SYT9: variants seen among roughly 807,000 people sequenced by gnomAD.
The protein encoded by SYT9 is synaptotagmin-9.
In SYT9, 22 loss-of-function variants were observed where a neutral mutation model predicts 48.4. The observed-to-expected ratio is 0.45, with a 90% CI of 0.32 to 0.65. The LOEUF (loss-of-function observed/expected upper bound fraction) is 0.65. Ranked by LOEUF, SYT9 falls within the 30% of genes least tolerant of loss-of-function variation. The pLI, the probability that SYT9 is intolerant of heterozygous loss-of-function variation, is 0.03. For synonymous variants in SYT9, 265 were observed against 245.0 expected (o/e 1.08, Z -0.76); for missense variants, 577 against 622.0 (o/e 0.93, Z 0.77).
At chr11:7,313,370 T>A in intron 2 of SYT9, 25 bp from the exon 3 acceptor site, 1 of 1,576,320 alleles carries the variant, frequency 6.3e-7, no homozygotes, top group Middle Eastern at 1.7e-4. Flanking sequence ...GTTATAACTT[T>A]GTTCTGTGTT....
chr11:7,361,678 A>G (rs1850139546), intron 3 of SYT9, among the ~76,000 whole-genome samples: 1 of 152,210 alleles, frequency 6.6e-6, no homozygotes, highest in Admixed American at 6.5e-5. Flanking sequence ...TGGCAAATAT[A>G]TGCTGGTTCA....
chr11:7,447,841 G>A (rs7110983), intron 6 of SYT9, among the ~76,000 whole-genome samples: 4,374 of 152,274 alleles, frequency 0.029, 215 homozygotes, highest in African/African-American at 0.096. Flanking sequence ...AGGCCCCAGC[G>A]TACAACTAGG....
At chr11:7,279,184 A>G (rs1201165332) in intron 1 of SYT9, among the ~76,000 whole-genome samples, 1 of 152,156 alleles carries the variant, frequency 6.6e-6, no homozygotes, top group Non-Finnish European at 1.5e-5. Context: ...CATCTCTGGC[A>G]AAGTCCTAAG....
At chr11:7,450,577 G>A (rs1848028799) in intron 6 of SYT9, 1 of 152,190 alleles carries the variant, frequency 6.6e-6, no homozygotes, top group African/African-American at 2.4e-5. Context: ...AAGAAAAGCT[G>A]ACAAAATACA....
At chr11:7,419,637 C>G (rs1194880119) in intron 5 of SYT9, among the ~76,000 whole-genome samples, 1 of 152,132 alleles carries the variant, frequency 6.6e-6, no homozygotes, top group Non-Finnish European at 1.5e-5. Flanking sequence ...TATCTCACAC[C>G]TGTAATCCCA....
intron 3 of SYT9, among the ~76,000 whole-genome samples, chr11:7,324,172 A>C (rs1849386485): frequency 6.6e-6 from 1 of 151,696 alleles, no homozygotes; most frequent in African/African-American, 2.4e-5. Flanking sequence ...TTTTCTAGAA[A>C]TTTGCTTATT....
chr11:7,250,451 A>ACC (rs59724555), upstream of SYT9, among the ~76,000 whole-genome samples: 265 of 91,846 alleles, frequency 2.9e-3, 1 homozygote, highest in Middle Eastern at 7.7e-3. Context: ...CCCCCCCGCC[A>ACC]CCCCCCCCCA....
At chr11:7,250,252 C>T (rs1226129556), upstream of SYT9, among the ~76,000 whole-genome samples, 1 of 152,164 alleles carries the variant, frequency 6.6e-6, no homozygotes, top group Non-Finnish European at 1.5e-5. Context: ...AAATGTTTTT[C>T]AAATTTGGAT....
At chr11:7,458,151 A>C (rs1417972696) in intron 6 of SYT9, among the ~76,000 whole-genome samples, 1 of 152,246 alleles carries the variant, frequency 6.6e-6, no homozygotes, top group Non-Finnish European at 1.5e-5. Flanking sequence ...TGGGAGACAC[A>C]GATGTATTAT....
At chr11:7,367,174 C>T (rs1459957182) in intron 3 of SYT9, among the ~76,000 whole-genome samples, 1 of 148,492 alleles carries the variant, frequency 6.7e-6, no homozygotes, top group African/African-American at 2.5e-5. Context: ...CTCCGCCTCC[C>T]GGGTTCACGC....
chr11:7,335,390 G>A (rs1415504002), intron 3 of SYT9, among the ~76,000 whole-genome samples: 1 of 152,080 alleles, frequency 6.6e-6, no homozygotes, highest in Non-Finnish European at 1.5e-5. Flanking sequence ...ATAGGAGTTC[G>A]TTGTACAGAT....
At chr11:7,440,707 G>A (rs1415921051) in intron 6 of SYT9, 2 of 152,208 alleles carry the variant, frequency 1.3e-5, no homozygotes, top group African/African-American at 4.8e-5. Context: ...GATCAGTAGT[G>A]GACTTACAAG....
intron 3 of SYT9, among the ~76,000 whole-genome samples, chr11:7,324,243 C>T (rs1022394553): frequency 6.6e-6 from 1 of 151,470 alleles, no homozygotes; most frequent in African/African-American, 2.4e-5. Context: ...CTTATTTCTG[C>T]CTTATTTCTG....
intron 6 of SYT9, among the ~76,000 whole-genome samples, chr11:7,432,583 ATATATATACATATATATATAT>A (rs1466253036): frequency 3.5e-3 from 10 of 2,892 alleles, no homozygotes; most frequent in South Asian, 0.016. Context: ...AAAAAAAAAA[ATATATATACATATATATATAT>A]ATATATATAT....
intron 3 of SYT9, among the ~76,000 whole-genome samples, chr11:7,367,217 A>G (rs1225264577): frequency 4.7e-5 from 7 of 148,040 alleles, no homozygotes; most frequent in Admixed American, 1.4e-4. Context: ...GAGTAGCTGG[A>G]ACTACAGGCG....
Position 7,420,486 on chromosome 11 carries a change from A to G in SYT9, c.1338-20A>G, listed in dbSNP as rs114228206. The G allele has an allele frequency of 3.7e-6, 6 of 1,613,228 alleles. No individual in the cohort carries two copies. Among genetic ancestry groups the G allele is most frequent in the African/African-American group, 1.3e-5 (1 of 74,918 alleles). ...CATACCAAAATTTTAAGAAAAAACT[A>G]TTGTGGGCCATTTTCACAGTGTAGG... On this transcript the variant is annotated intron_variant, in intron 5 of 6. Coordinates refer to ENST00000318881, the MANE Select transcript of SYT9 (RefSeq NM_175733.4).
At chr11:7,432,572 AAAAAAAAAAAATAT>A (rs1847610268) in intron 6 of SYT9, among the ~76,000 whole-genome samples, 1 of 12,688 alleles carries the variant, frequency 7.9e-5, no homozygotes, top group Non-Finnish European at 1.3e-4. Context: ...AAAAAAAAAA[AAAAAAAAAAAATAT>A]ATATACATAT....
At chr11:7,354,234 G>A (rs1849974663) in intron 3 of SYT9, among the ~76,000 whole-genome samples, 2 of 152,210 alleles carry the variant, frequency 1.3e-5, no homozygotes, top group South Asian at 2.1e-4. Flanking sequence ...CTACCCCCTT[G>A]TCTCCTTTCT....
intron 3 of SYT9, among the ~76,000 whole-genome samples, chr11:7,389,488 A>C (rs1018074342): frequency 2.2e-4 from 33 of 152,266 alleles, no homozygotes; most frequent in African/African-American, 7.7e-4. Context: ...CTCCCCCATA[A>C]AATGAGAGTA....
Sources: allele counts gnomAD v4.1 joint callset (sites outside exome capture counted in the v4.1 genomes callset), GRCh38; gene constraint gnomAD v4.1.1; transcripts MANE v1.5; gene names NCBI Gene and HGNC (gene_info 2026-07-23, HGNC 2026-07-21).